DLGAP1: variants seen among roughly 807,000 people sequenced by gnomAD.
DLGAP1 encodes DLG associated protein 1.
DLGAP1 carries 11 observed loss-of-function variants against 90.8 expected under a neutral mutation model. The ratio of observed to expected loss-of-function variants is 0.12; its 90% CI spans 0.08 to 0.20. DLGAP1 has a LOEUF of 0.20. Among genes scored for constraint, DLGAP1 ranks in the 10% least tolerant of loss-of-function variants. The pLI is 1.00. For synonymous variants in DLGAP1, 558 were observed against 540.7 expected (o/e 1.03, Z -0.44); for missense variants, 1,050 against 1,333.8 (o/e 0.79, Z 3.31).
At chr18:3,621,238 A>T (rs566216490) in intron 7 of DLGAP1, among the ~76,000 whole-genome samples, 1 of 152,228 alleles carries the variant, frequency 6.6e-6, no homozygotes, top group Admixed American at 6.5e-5. Flanking sequence ...ACATATAAGG[A>T]TCCTATACAA....
chr18:3,867,129 G>C (rs1700231211), intron 4 of DLGAP1, among the ~76,000 whole-genome samples: 1 of 152,202 alleles, frequency 6.6e-6, no homozygotes, highest in Non-Finnish European at 1.5e-5. Context: ...TGGGATTACA[G>C]GTGTGAACCA....
In DLGAP1 at chr18:3,879,466, C is replaced by T; in HGVS notation, c.603G>A (p.Trp201Ter). ...PKARPSTSPG[W>*]WSSDDNLDGD... ...CATCCAGGTTGTCGTCCGAGCTCCA[C>T]CAGCCCGGGGAGGTGCTGGGCCGGG... is the stretch of plus-strand genomic sequence containing the variant. Residue 201 changes from tryptophan to a stop codon, truncating the protein, a stop_gained, in exon 4 of 13, where the codon TGG becomes TGA. Coordinates refer to ENST00000315677, the MANE Select transcript of DLGAP1 (RefSeq NM_004746.4). LOFTEE classifies it high-confidence loss of function. The surrounding 1 kb of genome is among the most constrained non-coding windows in gnomAD (Gnocchi z 6.6). 6.2e-7 allele frequency: 1 copy of T among 1,606,204 alleles called. No individual in the cohort carries two copies. The highest frequency in any genetic ancestry group is 8.5e-7 in the Non-Finnish European group (1 of 1,179,928).
chr18:4,093,170 A>G (rs1454737483), intron 2 of DLGAP1, among the ~76,000 whole-genome samples: 3 of 152,194 alleles, frequency 2.0e-5, no homozygotes, highest in Non-Finnish European at 4.4e-5. Context: ...ATGTGCATGC[A>G]ATGTGGTTGA....
chr18:3,963,891 G>C (rs532684567), intron 3 of DLGAP1, among the ~76,000 whole-genome samples: 1 of 152,146 alleles, frequency 6.6e-6, no homozygotes, highest in Non-Finnish European at 1.5e-5. Context: ...AAGCCCTTAA[G>C]AATAATGTAA....
chr18:3,994,292 T>C (rs1206701773), intron 3 of DLGAP1, among the ~76,000 whole-genome samples: 2 of 152,222 alleles, frequency 1.3e-5, no homozygotes, highest in African/African-American at 2.4e-5. Flanking sequence ...ACAGCTCTAG[T>C]GCCCATAGGC....
intron 1 of DLGAP1, among the ~76,000 whole-genome samples, chr18:4,441,664 G>GA (rs1172221286): frequency 2.0e-5 from 3 of 152,108 alleles, no homozygotes; most frequent in African/African-American, 7.2e-5. Flanking sequence ...AAGAATTACG[G>GA]AAAAAATAAG....
At chr18:3,886,372 G>C (rs970371719) in intron 3 of DLGAP1, among the ~76,000 whole-genome samples, 1 of 152,018 alleles carries the variant, frequency 6.6e-6, no homozygotes. Context: ...ATCACATCAA[G>C]GTAAATGGAA....
intron 4 of DLGAP1, among the ~76,000 whole-genome samples, chr18:3,865,459 A>G (rs973430880): frequency 6.6e-6 from 1 of 152,226 alleles, no homozygotes; most frequent in Non-Finnish European, 1.5e-5. Flanking sequence ...AATCAACCTC[A>G]TATATTACTT....
chr18:3,741,375 C>G (rs1405261900), intron 6 of DLGAP1, among the ~76,000 whole-genome samples: 1 of 151,194 alleles, frequency 6.6e-6, no homozygotes, highest in Non-Finnish European at 1.5e-5. Context: ...TCACCACCAC[C>G]ATCACCATCA....
In DLGAP1 at chr18:4,242,950, T is replaced by C. The variant is rs573832896; in HGVS notation, c.-266-91663A>G. Among the ~76,000 whole-genome samples the C allele has an allele frequency of 8.2e-4, 125 of 152,230 alleles. 1 individual carries two copies. The highest frequency in any genetic ancestry group is 1.5e-3 in the Non-Finnish European group (103 of 68,000). On this transcript the variant is annotated intron_variant, in intron 1 of 12. Transcript: ENST00000315677. ...CCCAAAGAGTACTCACTATGAGGGC[T>C]AGAGATGCACTGACACAAAGTGGCC... is the stretch of plus-strand genomic sequence containing the variant.
intron 2 of DLGAP1, among the ~76,000 whole-genome samples, chr18:4,120,379 T>C (rs2144101318): frequency 6.6e-6 from 1 of 152,336 alleles, no homozygotes; most frequent in South Asian, 2.1e-4. Flanking sequence ...GTTCTGTATC[T>C]AATCCGCAGC....
At chr18:3,674,184 C>T (rs570148312) in intron 7 of DLGAP1, among the ~76,000 whole-genome samples, 12 of 151,712 alleles carry the variant, frequency 7.9e-5, no homozygotes, top group African/African-American at 2.4e-4. Context: ...GGCATGGTGG[C>T]GCATGCCTGT....
chr18:3,612,741 A>T (rs888110666), intron 7 of DLGAP1, among the ~76,000 whole-genome samples: 13 of 152,206 alleles, frequency 8.5e-5, no homozygotes, highest in Non-Finnish European at 1.5e-4. Flanking sequence ...TTTCATACAC[A>T]TTTTTTAGTT....
At chr18:4,023,280 T>G (rs2074644517) in intron 2 of DLGAP1, among the ~76,000 whole-genome samples, 1 of 152,180 alleles carries the variant, frequency 6.6e-6, no homozygotes, top group Admixed American at 6.5e-5. Context: ...TTTTTCTCCT[T>G]TCTTTTCTTT....
At chr18:3,587,751 A>G (rs1049714927) in intron 7 of DLGAP1, among the ~76,000 whole-genome samples, 2 of 152,194 alleles carry the variant, frequency 1.3e-5, no homozygotes, top group African/African-American at 2.4e-5. Flanking sequence ...CAGCGAGACC[A>G]CTAACCCACC....
At chr18:4,036,107 T>C (rs555980473) in intron 2 of DLGAP1, among the ~76,000 whole-genome samples, 1 of 152,316 alleles carries the variant, frequency 6.6e-6, no homozygotes, top group South Asian at 2.1e-4. Context: ...AGTAGTTCCA[T>C]TTGCAAGTTC....
intron 9 of DLGAP1, among the ~76,000 whole-genome samples, chr18:3,549,685 C>T (rs1211472976): frequency 6.6e-6 from 1 of 152,044 alleles, no homozygotes; most frequent in Non-Finnish European, 1.5e-5. Context: ...TGTATTTTTC[C>T]ATTCCCCTGA....
At chr18:3,589,815 C>G (rs562850835) in intron 7 of DLGAP1, among the ~76,000 whole-genome samples, 6 of 152,176 alleles carry the variant, frequency 3.9e-5, no homozygotes, top group Non-Finnish European at 8.8e-5. Flanking sequence ...GAGAGAAGGG[C>G]TGCCTTGGTC....
At position 4,093,987 on chromosome 18, in the gene DLGAP1, T is replaced by C. The variant is rs182386172; in HGVS notation, c.-159+57193A>G. 8.6e-3 allele frequency among the ~76,000 whole-genome samples: 1,309 copies of C among 152,334 alleles called. 22 individuals are homozygous for C. Among genetic ancestry groups the C allele is most frequent in the South Asian group, 0.043 (205 of 4,822 alleles). On this transcript the variant is annotated intron_variant, in intron 2 of 12. Coordinates refer to ENST00000315677, the MANE Select transcript of DLGAP1 (RefSeq NM_004746.4). ...TTTAAGACGCTCCACTTATTTAAAT[T>C]TTTTAAGAGCACAAAGTGAACTTTT...
Sources: allele counts gnomAD v4.1 joint callset (sites outside exome capture counted in the v4.1 genomes callset), GRCh38; gene constraint gnomAD v4.1.1; non-coding constraint Gnocchi (gnomAD v3.1); transcripts MANE v1.5; gene names NCBI Gene and HGNC (gene_info 2026-07-23, HGNC 2026-07-21).